The following CNTNAP5 variants were observed in gnomAD, a reference collection of about 807,000 sequenced individuals.
CNTNAP5 encodes contactin-associated protein-like 5.
Under a neutral mutation model 150.2 loss-of-function variants are expected in CNTNAP5, and 72 were observed. The observed-to-expected ratio is 0.48, with a 90% CI of 0.40 to 0.58. The LOEUF (loss-of-function observed/expected upper bound fraction) is 0.58, where lower values mean the gene tolerates loss of function less well. Among genes scored for constraint, CNTNAP5 ranks in the 20% least tolerant of loss-of-function variants. The pLI is 0.00. For missense variants in CNTNAP5, 1,636 were observed against 1,626.2 expected (o/e 1.01, Z -0.10); for synonymous variants, 672 against 619.8 (o/e 1.08, Z -1.25).
At chr2:124,619,337 G>A (rs898908809) in intron 12 of CNTNAP5, among the ~76,000 whole-genome samples, 4 of 152,114 alleles carry the variant, frequency 2.6e-5, no homozygotes, top group African/African-American at 9.7e-5. Context: ...TCTTGGAACT[G>A]GGTCCCATAT....
intron 19 of CNTNAP5, among the ~76,000 whole-genome samples, chr2:124,845,183 A>G (rs1683023636): frequency 6.6e-6 from 1 of 152,046 alleles, no homozygotes; most frequent in African/African-American, 2.4e-5. Context: ...GGTTTTAATC[A>G]TAAAGTGATA....
intron 3 of CNTNAP5, among the ~76,000 whole-genome samples, chr2:124,302,028 C>G (rs982250945): frequency 1.3e-5 from 2 of 152,104 alleles, no homozygotes; most frequent in African/African-American, 2.4e-5. Context: ...GGAAAAGACC[C>G]TAAGATGGCA....
chr2:124,798,019 C>A, intron 18 of CNTNAP5, 77 bp from the exon 19 acceptor site: 1 of 1,094,502 alleles, frequency 9.1e-7, no homozygotes, highest in Non-Finnish European at 1.3e-6. Context: ...GCATAGGAAA[C>A]GAGAAAGCAG....
intron 3 of CNTNAP5, among the ~76,000 whole-genome samples, chr2:124,282,778 G>T (rs1416760675): frequency 6.6e-6 from 1 of 152,102 alleles, no homozygotes; most frequent in Non-Finnish European, 1.5e-5. Flanking sequence ...TGAAAGAACA[G>T]TTTTTCTAAA....
chr2:124,517,538 T>A (rs1694751168), intron 8 of CNTNAP5, among the ~76,000 whole-genome samples: 1 of 149,766 alleles, frequency 6.7e-6, no homozygotes, highest in Non-Finnish European at 1.5e-5. Context: ...GTGTTGGTGA[T>A]GGAGGGTTGT....
At chr2:124,257,253 C>T (rs947654178) in intron 3 of CNTNAP5, among the ~76,000 whole-genome samples, 7 of 152,182 alleles carry the variant, frequency 4.6e-5, no homozygotes, top group Non-Finnish European at 7.3e-5. Flanking sequence ...GAAAACAGTA[C>T]TCTTTAAATA....
At chr2:124,563,190 C>G in intron 10 of CNTNAP5, 27 bp from the exon 11 acceptor site, 2 of 1,443,832 alleles carry the variant, frequency 1.4e-6, no homozygotes, top group Non-Finnish European at 1.9e-6. Context: ...GGTTTATTTT[C>G]TTTTCATTTA....
chr2:124,446,943 T>C lies in CNTNAP5; in HGVS notation c.918+6T>C. 1 of 1,610,306 alleles carries C rather than the reference T, an allele frequency of 6.2e-7. No homozygotes were observed. The highest frequency in any genetic ancestry group is 2.2e-5 in the East Asian group (1 of 44,766). On this transcript the variant is annotated splice_donor_region_variant and intron_variant, in intron 6 of 23. Transcript: ENST00000682447. ...CCTTAGACATTGACTATGAGGTGAGTTGATCCTCCTTCCTGCACCTCCTCG... is the reference window on the plus strand; with the variant it reads ...CCTTAGACATTGACTATGAGGTGAGCTGATCCTCCTTCCTGCACCTCCTCG...
chr2:124,799,574 T>C (rs1573625261), intron 19 of CNTNAP5, among the ~76,000 whole-genome samples: 1 of 152,244 alleles, frequency 6.6e-6, no homozygotes, highest in African/African-American at 2.4e-5. Flanking sequence ...TGGTGGAACC[T>C]AGCAGAAAGG....
intron 13 of CNTNAP5, among the ~76,000 whole-genome samples, chr2:124,712,103 T>C (rs570191209): frequency 2.0e-5 from 3 of 152,272 alleles, no homozygotes; most frequent in Admixed American, 2.0e-4. Flanking sequence ...TCTAAAACAA[T>C]CACTGCAAGA....
chr2:124,580,275 A>G (rs913080809), intron 11 of CNTNAP5, among the ~76,000 whole-genome samples: 4 of 152,250 alleles, frequency 2.6e-5, no homozygotes, highest in African/African-American at 9.6e-5. Context: ...GCCTCTTTAC[A>G]TATTTTAAGT....
intron 10 of CNTNAP5, among the ~76,000 whole-genome samples, chr2:124,539,285 T>C (rs1471199181): frequency 6.6e-6 from 1 of 152,180 alleles, no homozygotes; most frequent in African/African-American, 2.4e-5. Context: ...GCCTTGTGGG[T>C]TTGATTGTGA....
At chr2:124,713,253 CTTTCTTTCTTTCTTTCTT>C (rs1679854120) in intron 13 of CNTNAP5, among the ~76,000 whole-genome samples, 3 of 97,382 alleles carry the variant, frequency 3.1e-5, no homozygotes, top group African/African-American at 1.1e-4. Context: ...CTCTTTCTTT[CTTTCTTTCTTTCTTTCTT>C]TCTTTCTTTC....
chr2:124,471,923 A>G (rs931369126), intron 6 of CNTNAP5, among the ~76,000 whole-genome samples: 1 of 152,114 alleles, frequency 6.6e-6, no homozygotes, highest in Non-Finnish European at 1.5e-5. Context: ...ACAGCAATAA[A>G]TCAACAAAGG....
intron 12 of CNTNAP5, among the ~76,000 whole-genome samples, chr2:124,627,084 C>G (rs1166102093): frequency 6.6e-6 from 1 of 152,182 alleles, no homozygotes; most frequent in Non-Finnish European, 1.5e-5. Flanking sequence ...GAGCTCTCAC[C>G]TCCCTGAGAC....
rs1005926844 is a variant in CNTNAP5 at position 124,920,603 on chromosome 2, G to A, written c.*6315G>A. On this transcript the variant is annotated 3_prime_UTR_variant, in exon 24 of 24. Transcript: ENST00000682447. Reference sequence around the variant, plus strand: ...TCTTTCTGAATCTGGCAGTTGACAGGCCTCCTGATATCCTGTGTTGCCTTG... The same window carrying A: ...TCTTTCTGAATCTGGCAGTTGACAGACCTCCTGATATCCTGTGTTGCCTTG... Among the ~76,000 whole-genome samples the A allele has an allele frequency of 8.5e-5, 13 of 152,106 alleles. No individual in the cohort carries two copies. The highest frequency in any genetic ancestry group is 1.8e-4 in the Non-Finnish European group (12 of 68,006).
intron 20 of CNTNAP5, among the ~76,000 whole-genome samples, chr2:124,868,327 T>C (rs2104723763): frequency 6.6e-6 from 1 of 152,290 alleles, no homozygotes; most frequent in East Asian, 1.9e-4. Context: ...TTCTGGTTGC[T>C]TCTCTAACCT....
chr2:124,762,724 C>G (rs2104599188), intron 14 of CNTNAP5, among the ~76,000 whole-genome samples: 1 of 152,176 alleles, frequency 6.6e-6, no homozygotes, highest in East Asian at 1.9e-4. Context: ...AAACTATGTC[C>G]TTAAAGACCT....
At chr2:124,814,610 G>C (rs1020320566) in intron 19 of CNTNAP5, among the ~76,000 whole-genome samples, 1 of 151,534 alleles carries the variant, frequency 6.6e-6, no homozygotes, top group Non-Finnish European at 1.5e-5. Context: ...TTTTTTACAA[G>C]CATATACTAA....
Sources: allele counts gnomAD v4.1 joint callset (sites outside exome capture counted in the v4.1 genomes callset), GRCh38; gene constraint gnomAD v4.1.1; transcripts MANE v1.5; gene names NCBI Gene and HGNC (gene_info 2026-07-23, HGNC 2026-07-21).